ADNP2: variants seen among roughly 807,000 people sequenced by gnomAD.
ADNP2 encodes activity-dependent neuroprotector homeobox protein 2.
ADNP2 carries 8 observed loss-of-function variants against 16.4 expected under a neutral mutation model. The ratio of observed to expected loss-of-function variants is 0.49; its 90% CI spans 0.29 to 0.88. ADNP2 has a LOEUF of 0.88. Ranked by LOEUF, ADNP2 falls within the 40% of genes least tolerant of loss-of-function variation. ADNP2 has a pLI of 0.09. For synonymous variants in ADNP2, 637 were observed against 545.8 expected (o/e 1.17, Z -2.33); for missense variants, 1,397 against 1,395.1 (o/e 1.00, Z -0.02).
At chr18:80,121,242 T>C (rs1018556685) in intron 2 of ADNP2, among the ~76,000 whole-genome samples, 5 of 152,136 alleles carry the variant, frequency 3.3e-5, no homozygotes, top group African/African-American at 9.7e-5. Flanking sequence ...GCCATCCTAA[T>C]AGTGTAAAGT....
Position 80,133,251 on chromosome 18 carries a change from T to G in ADNP2, c.198+59T>G, listed in dbSNP as rs1026194742. Reference sequence around the variant, plus strand: ...CTCAAAAGTGAGCAGTGACTGTAAATGTGGTCTAAAGAACATCACATGTAT... The same window carrying G: ...CTCAAAAGTGAGCAGTGACTGTAAAGGTGGTCTAAAGAACATCACATGTAT... On this transcript the variant is annotated intron_variant, in intron 3 of 3. Coordinates refer to ENST00000262198, the MANE Select transcript of ADNP2 (RefSeq NM_014913.4). The G allele has an allele frequency of 1.0e-5, 14 of 1,378,732 alleles. No individual in the cohort carries two copies. In the East Asian group the frequency reaches 3.0e-4, roughly 29 times the overall value. 85.4% of individuals were successfully genotyped at this position (1,378,732 alleles called of 1,614,324 possible).
chr18:80,118,818 C>T (rs4799134), intron 2 of ADNP2, among the ~76,000 whole-genome samples: 56,260 of 151,952 alleles, frequency 0.37, 10,841 homozygotes, highest in Middle Eastern at 0.47. Context: ...TGCAGAGATA[C>T]GGTACTTCAC....
In ADNP2 at chr18:80,138,141, T is replaced by A. The variant is rs1298593998; in HGVS notation, c.2728T>A (p.Ser910Thr). ...GCCCACAGTCCACACGGTCCTGAAG[T>A]CTCCCGCCTTCAAGTGCATCCACTG... Reference protein sequence around the residue: ...IMPTVHTVLKSPAFKCIHCCG... With the variant: ...IMPTVHTVLKTPAFKCIHCCG... Residue 910 changes from serine to threonine, a missense_variant, in exon 4 of 4, where the codon TCT becomes ACT. Ser to Thr is a moderately conservative substitution (Grantham distance 58). Transcript: ENST00000262198. 7 of 1,613,902 alleles carry A rather than the reference T, an allele frequency of 4.3e-6. No homozygotes were observed. The highest frequency in any genetic ancestry group is 5.9e-6 in the Non-Finnish European group (7 of 1,180,038).
chr18:80,124,747 C>G (rs1405361240), intron 2 of ADNP2, among the ~76,000 whole-genome samples: 1 of 152,150 alleles, frequency 6.6e-6, no homozygotes, highest in Admixed American at 6.5e-5. Context: ...CCTGAAGCTA[C>G]CTAGGGGCTG....
In ADNP2 at chr18:80,135,810, A is replaced by G; in HGVS notation, c.397A>G (p.Lys133Glu). Residue 133 changes from lysine to glutamate, a missense_variant, in exon 4 of 4, where the codon AAA becomes GAA. By Grantham distance (56) the Lys-to-Glu change is moderately conservative. Around this residue, in one of 3 missense-constraint regions of ADNP2, gnomAD observed 777 missense variants for 719.4 expected, o/e 1.08. Transcript: ENST00000262198. Reference sequence around the variant, plus strand: ...CAGAATGTTCCATGCACCTGTCCGGAAAGTCCAGAACTACACAGTGAATAT... The same window carrying G: ...CAGAATGTTCCATGCACCTGTCCGGGAAGTCCAGAACTACACAGTGAATAT... Reference protein sequence around the residue: ...HFRMFHAPVRKVQNYTVNILG... With the variant: ...HFRMFHAPVREVQNYTVNILG... 5 of 1,614,254 alleles carry G rather than the reference A, an allele frequency of 3.1e-6. No individual in the cohort carries two copies. The highest frequency in any genetic ancestry group is 4.2e-6 in the Non-Finnish European group (5 of 1,180,044).
At position 80,139,880 on chromosome 18, in the gene ADNP2, T is replaced by C. The variant is rs1232083171; in HGVS notation, c.*1071T>C. 1.3e-5 allele frequency: 2 copies of C among 152,220 alleles called. No individual in the cohort carries two copies. Among genetic ancestry groups the C allele is most frequent in the Non-Finnish European group, 2.9e-5 (2 of 68,056 alleles). 9.4% of individuals were successfully genotyped at this position (152,220 alleles called of 1,614,324 possible). A position where few individuals can be genotyped will look rare whatever the true frequency, so the allele number is the denominator to read the frequency against. The stretch of plus-strand genomic sequence containing the variant: ...CATGTTTAGTGGAGAAACGGGCTTT[T>C]CTCTAGCTGGTTTAGGCTGGAAGCT... On this transcript the variant is annotated 3_prime_UTR_variant, in exon 4 of 4. Coordinates refer to ENST00000262198, the MANE Select transcript of ADNP2 (RefSeq NM_014913.4).
intron 2 of ADNP2, among the ~76,000 whole-genome samples, chr18:80,119,312 T>A (rs569957634): frequency 6.6e-6 from 1 of 152,008 alleles, no homozygotes; most frequent in South Asian, 2.1e-4. Flanking sequence ...CTTGGGGGGC[T>A]TAGGCAGGAG....
chr18:80,130,993 G>A (rs1249769713), intron 2 of ADNP2, among the ~76,000 whole-genome samples: 6 of 152,208 alleles, frequency 3.9e-5, no homozygotes, highest in Non-Finnish European at 7.3e-5. Context: ...TGATGACTGC[G>A]AAAGGATGAG....
At chr18:80,112,369 A>G (rs1444230586) in intron 1 of ADNP2, among the ~76,000 whole-genome samples, 1 of 151,890 alleles carries the variant, frequency 6.6e-6, no homozygotes, top group East Asian at 1.9e-4. Flanking sequence ...GAAACCTGTA[A>G]TTTACTTGCA....
Position 80,137,319 on chromosome 18 carries a change from C to T in ADNP2, c.1906C>T (p.Pro636Ser). The T allele has an allele frequency of 1.2e-6, 2 of 1,613,960 alleles. No homozygotes were observed. Among genetic ancestry groups the T allele is most frequent in the Non-Finnish European group, 1.7e-6 (2 of 1,179,910 alleles). Reference protein sequence around the residue: ...VPPGGLATVAPPQMPIQLLPS... With the variant: ...VPPGGLATVASPQMPIQLLPS... The stretch of plus-strand genomic sequence containing the variant: ...CCCTGGAGGCCTTGCGACTGTCGCT[C>T]CGCCCCAGATGCCCATCCAGCTCCT... The change falls in exon 4 of 4, where the codon CCG (proline) becomes TCG (serine). Residue 636 changes from proline to serine, a missense_variant. By Grantham distance (74) the Pro-to-Ser change is moderately conservative. Around this residue, in one of 3 missense-constraint regions of ADNP2, gnomAD observed 611 missense variants for 648.7 expected, o/e 0.94. Transcript: ENST00000262198. This position sits in a 1 kb window ranked among gnomAD's most constrained non-coding sequence, Gnocchi z 4.2.
chr18:80,126,666 C>T (rs144359747), intron 2 of ADNP2, among the ~76,000 whole-genome samples: 1 of 152,134 alleles, frequency 6.6e-6, no homozygotes, highest in East Asian at 1.9e-4. Context: ...CTATAATGTG[C>T]CTTGGTTTGG....
intron 1 of ADNP2, among the ~76,000 whole-genome samples, chr18:80,114,706 G>C (rs1031251070): frequency 6.6e-6 from 1 of 152,144 alleles, no homozygotes; most frequent in African/African-American, 2.4e-5. Context: ...TATTTAAGAA[G>C]CGCATCAGTT....
chr18:80,127,596 C>A (rs368727950), intron 2 of ADNP2, among the ~76,000 whole-genome samples: 1 of 152,010 alleles, frequency 6.6e-6, no homozygotes, highest in Non-Finnish European at 1.5e-5. Context: ...CTTTGTATGA[C>A]TGGAAGTTTT....
At chr18:80,134,422 A>C (rs867786639) in intron 3 of ADNP2, among the ~76,000 whole-genome samples, 1 of 138,468 alleles carries the variant, frequency 7.2e-6, no homozygotes, top group South Asian at 2.2e-4. Flanking sequence ...TGTGTGTGAG[A>C]GAGAGTGATA....
At position 80,138,273 on chromosome 18, in the gene ADNP2, G is replaced by A; in HGVS notation, c.2860G>A (p.Gly954Ser). 6.2e-7 allele frequency: 1 copy of A among 1,614,120 alleles called. No homozygotes were observed. Among genetic ancestry groups the A allele is most frequent in the Admixed American group, 1.7e-5 (1 of 60,026 alleles). ...CAGCTCAGACCTGCAGGCCCAGCCG[G>A]GTTTTATTCACAACAGTGAACTGCT... ...DSSSDLQAQPGFIHNSELLLV... is the reference protein window; with the variant it reads ...DSSSDLQAQPSFIHNSELLLV... The change falls in exon 4 of 4, where the codon GGT becomes AGT. Residue 954 changes from glycine to serine, a missense_variant. By Grantham distance (56) the Gly-to-Ser change is moderately conservative. This residue lies in a region of ADNP2 where 611 missense variants were observed against 648.7 expected (regional missense o/e 0.94). Transcript: ENST00000262198.
Position 80,137,353 on chromosome 18 carries a change from G to A in ADNP2, c.1940G>A (p.Gly647Asp). 1.9e-6 allele frequency: 3 copies of A among 1,614,162 alleles called. No individual in the cohort carries two copies. The highest frequency in any genetic ancestry group is 8.5e-7 in the Non-Finnish European group (1 of 1,180,034). Reference protein sequence around the residue: ...PQMPIQLLPSGAAAPMAGSMP... With the variant: ...PQMPIQLLPSDAAAPMAGSMP... Reference sequence around the variant, plus strand: ...ATGCCCATCCAGCTCCTGCCGTCAGGTGCAGCTGCACCAATGGCCGGTTCC... The same window carrying A: ...ATGCCCATCCAGCTCCTGCCGTCAGATGCAGCTGCACCAATGGCCGGTTCC... The change falls in exon 4 of 4, where the codon GGT (glycine) becomes GAT (aspartate). Residue 647 changes from glycine (G) to aspartate (D), a missense_variant. Gly to Asp is a moderately conservative substitution (Grantham distance 94). This residue lies in a region of ADNP2 where 611 missense variants were observed against 648.7 expected (regional missense o/e 0.94). Transcript: ENST00000262198. This position sits in a 1 kb window ranked among gnomAD's most constrained non-coding sequence, Gnocchi z 4.2.
At chr18:80,120,080 G>A (rs2052414677) in intron 2 of ADNP2, among the ~76,000 whole-genome samples, 1 of 152,202 alleles carries the variant, frequency 6.6e-6, no homozygotes, top group African/African-American at 2.4e-5. Flanking sequence ...TGAGGGCAAG[G>A]CAGAGAGCAG....
Position 80,138,983 on chromosome 18 carries a change from A to G in ADNP2, c.*174A>G. The G allele has an allele frequency of 4.0e-6, 2 of 505,828 alleles. No individual in the cohort carries two copies. The highest frequency in any genetic ancestry group is 6.5e-6 in the Non-Finnish European group (2 of 305,588). 31.3% of individuals were successfully genotyped at this position (505,828 alleles called of 1,614,324 possible). On this transcript the variant is annotated 3_prime_UTR_variant, in exon 4 of 4. Coordinates refer to ENST00000262198, the MANE Select transcript of ADNP2 (RefSeq NM_014913.4). ...CCCTGTTACCAGGAAGCCAGTAGTTATTTCACATCTATTGTTTCCTGCAGT... is the reference window on the plus strand; with the variant it reads ...CCCTGTTACCAGGAAGCCAGTAGTTGTTTCACATCTATTGTTTCCTGCAGT...
chr18:80,120,401 G>A (rs1402429733), intron 2 of ADNP2, among the ~76,000 whole-genome samples: 1 of 147,472 alleles, frequency 6.8e-6, no homozygotes, highest in Non-Finnish European at 1.5e-5. Context: ...GTACAATCAT[G>A]GCTCCCTGCA....
Sources: gnomAD v4.1 joint callset for allele counts (sites outside exome capture counted in the v4.1 genomes callset) on GRCh38, gnomAD v4.1.1 for gene constraint, gnomAD v4.1.1 regional missense constraint, Gnocchi (gnomAD v3.1) non-coding constraint, MANE v1.5 for transcripts, NCBI Gene and HGNC (gene_info 2026-07-23, HGNC 2026-07-21) for gene names.